The following KLC1 variants were observed in gnomAD, a reference collection of about 807,000 sequenced individuals.
KLC1 encodes kinesin light chain 1.
Under a neutral mutation model 84.2 loss-of-function variants are expected in KLC1, and 30 were observed. The observed-to-expected ratio is 0.36, with a 90% CI of 0.27 to 0.48. The LOEUF (loss-of-function observed/expected upper bound fraction) is 0.48. Among genes scored for constraint, KLC1 ranks in the 20% least tolerant of loss-of-function variants. KLC1 has a pLI of 0.99. For missense variants in KLC1, 499 were observed against 805.4 expected (o/e 0.62, Z 4.60); for synonymous variants, 289 against 293.3 (o/e 0.99, Z 0.15).
intron 13 of KLC1, among the ~76,000 whole-genome samples, chr14:103,681,398 A>G (rs1020439281): frequency 6.6e-6 from 1 of 151,944 alleles, no homozygotes; most frequent in Non-Finnish European, 1.5e-5. Flanking sequence ...CAACCCCACA[A>G]CTCTAAGGTT....
At chr14:103,679,794 C>A in intron 13 of KLC1, 1 of 437,822 alleles carries the variant, frequency 2.3e-6, no homozygotes, top group Non-Finnish European at 4.1e-6. Flanking sequence ...ATTGAGTGTC[C>A]TGGCTATTTA....
Position 103,662,889 on chromosome 14 carries a change from C to T in KLC1, c.759C>T (p.Asp253=), listed in dbSNP as rs200653403. ...AGACTTCAGGACACGACCACCCGGA[C>T]GTGGCCACCATGCTCAACATCCTGG... The part of the protein sequence containing the change: ...LEKTSGHDHP[D]VATMLNILAL... Residue 253 remains aspartate (D), a synonymous_variant, in exon 5 of 17, where the codon GAC becomes GAT. Transcript: ENST00000334553. 24 of 1,613,532 alleles carry T rather than the reference C, an allele frequency of 1.5e-5. No homozygotes were observed. Among genetic ancestry groups the T allele is most frequent in the African/African-American group, 1.3e-4 (10 of 74,976 alleles).
chr14:103,640,536 A>T (rs1446317069), intron 1 of KLC1, among the ~76,000 whole-genome samples: 1 of 150,998 alleles, frequency 6.6e-6, no homozygotes, highest in East Asian at 2.0e-4. Context: ...AATTTTTTGT[A>T]TTTTTGGTAG....
At chr14:103,658,497 ACTC>A (rs2079007873) in intron 3 of KLC1, among the ~76,000 whole-genome samples, 2 of 115,934 alleles carry the variant, frequency 1.7e-5, no homozygotes, top group Admixed American at 1.7e-4. Flanking sequence ...CTGGTCTTGA[ACTC>A]CTGGCCTCAA....
intron 15 of KLC1, chr14:103,699,878 G>A (rs1171256579): frequency 4.5e-6 from 2 of 444,068 alleles, no homozygotes; most frequent in Non-Finnish European, 8.4e-6. Flanking sequence ...TGTCCTTTGC[G>A]CAGGCTCCTG....
intron 1 of KLC1, among the ~76,000 whole-genome samples, chr14:103,631,069 C>G (rs953681651): frequency 6.6e-6 from 1 of 151,806 alleles, no homozygotes; most frequent in East Asian, 1.9e-4. Context: ...TAACTGCAGT[C>G]GTTTAAACTT....
At chr14:103,664,724 A>G (rs151022142) in intron 5 of KLC1, among the ~76,000 whole-genome samples, 3,105 of 151,544 alleles carry the variant, frequency 0.02, 72 homozygotes, top group African/African-American at 0.052. Flanking sequence ...CATGTTGCCC[A>G]GGCTGGTCTC....
intron 5 of KLC1, 83 bp downstream of exon 5, chr14:103,663,010 T>G (rs2079415199): frequency 4.4e-6 from 4 of 917,030 alleles, no homozygotes; most frequent in Non-Finnish European, 6.5e-6. Flanking sequence ...TATTTTTATG[T>G]ATCTGTATAA....
At chr14:103,656,037 C>T (rs1247257316) in intron 2 of KLC1, among the ~76,000 whole-genome samples, 1 of 152,244 alleles carries the variant, frequency 6.6e-6, no homozygotes, top group East Asian at 1.9e-4. Flanking sequence ...AGGTTCCTAA[C>T]ATCTGCCACA....
At chr14:103,695,514 G>C in intron 15 of KLC1, 2 of 985,366 alleles carry the variant, frequency 2.0e-6, no homozygotes, top group African/African-American at 3.5e-5. Context: ...GAGGGCTCCG[G>C]AGCTTCCCTT....
rs754623391 is a variant in KLC1 at position 103,662,772 on chromosome 14, G to T, written c.642G>T (p.Arg214=). 2 of 1,612,224 alleles carry T rather than the reference G, an allele frequency of 1.2e-6. No individual in the cohort carries two copies. The highest frequency in any genetic ancestry group is 1.7e-5 in the Admixed American group (1 of 59,802). ...GCTACGAGATCCCCGCGCGGCTGCG[G>T]ACGCTCCACAACCTGGTGATCCAGT... ...QGGYEIPARL[R]TLHNLVIQYA... is the part of the protein sequence containing the mutation. Residue 214 remains arginine, a synonymous_variant, in exon 5 of 17, where the codon CGG becomes CGT. Coordinates refer to ENST00000334553, the MANE Select transcript of KLC1 (RefSeq NM_001394837.1).
At chr14:103,672,897 T>G (rs1208902125) in intron 7 of KLC1, 117 bp from the exon 8 acceptor site, 2 of 875,560 alleles carry the variant, frequency 2.3e-6, no homozygotes, top group African/African-American at 3.5e-5. Context: ...GATTTAAATC[T>G]GAAAGTGTAG....
intron 15 of KLC1, chr14:103,700,409 C>T (rs531814496): frequency 2.9e-5 from 13 of 450,220 alleles, no homozygotes; most frequent in African/African-American, 4.1e-5. Context: ...GGCCTCTGAC[C>T]GCACAGCTTG....
chr14:103,646,545 CTG>C (rs1038640451), intron 1 of KLC1, among the ~76,000 whole-genome samples: 140 of 152,326 alleles, frequency 9.2e-4, no homozygotes, highest in African/African-American at 3.2e-3. Context: ...AGGTCTCACT[CTG>C]TCACCCAGGC....
chr14:103,629,805 GGGCCCCGCCCT>G (rs2076534107), intron 1 of KLC1, among the ~76,000 whole-genome samples: 1 of 152,022 alleles, frequency 6.6e-6, no homozygotes, highest in African/African-American at 2.4e-5. Flanking sequence ...GCCCTGCCCA[GGGCCCCGCCCT>G]GGCCCCGCAT....
intron 1 of KLC1, among the ~76,000 whole-genome samples, chr14:103,642,926 G>A (rs148857581): frequency 2.6e-5 from 4 of 151,820 alleles, no homozygotes; most frequent in African/African-American, 7.2e-5. Context: ...ACACCACCAC[G>A]CCCGGCTAAT....
At chr14:103,674,039 T>C (rs550565416) in intron 9 of KLC1, among the ~76,000 whole-genome samples, 1 of 152,264 alleles carries the variant, frequency 6.6e-6, no homozygotes, top group East Asian at 1.9e-4. Context: ...TGCAGAGACC[T>C]ATACAGTTCA....
At chr14:103,688,708 T>C (rs972443263) in intron 14 of KLC1, among the ~76,000 whole-genome samples, 7 of 152,192 alleles carry the variant, frequency 4.6e-5, no homozygotes, top group African/African-American at 1.7e-4. Context: ...AGGAGTGACG[T>C]GGCTTTTGTA....
chr14:103,649,698 G>GTT lies in KLC1; in HGVS notation c.-1-4853_-1-4852dup, dbSNP rs79187666. ...TGACCCTAAAAAGGGCTTCTTATGT[G>GTT]TTTTTTTTTTTTTTCGAGACGGAGT... On this transcript the variant is annotated intron_variant, in intron 1 of 16. Coordinates refer to ENST00000334553, the MANE Select transcript of KLC1 (RefSeq NM_001394837.1). 1.3e-3 allele frequency among the ~76,000 whole-genome samples: 177 copies of GTT among 140,240 alleles called. 1 individual carries two copies. The highest frequency in any genetic ancestry group is 4.1e-3 in the African/African-American group (159 of 38,636). The allele number at this position is 140,240 out of a possible 152,430, so 92.0% of individuals were successfully genotyped here.
Sources: allele counts gnomAD v4.1 joint callset (sites outside exome capture counted in the v4.1 genomes callset), GRCh38; gene constraint gnomAD v4.1.1; transcripts MANE v1.5; gene names NCBI Gene and HGNC (gene_info 2026-07-23, HGNC 2026-07-21).